R3HDM2: variants seen among roughly 807,000 people sequenced by gnomAD.
The protein encoded by R3HDM2 is R3H domain containing 2.
R3HDM2 carries 38 observed loss-of-function variants against 124.5 expected under a neutral mutation model. That is an observed-to-expected ratio of 0.31 (90% CI 0.24 to 0.40). R3HDM2 has a LOEUF of 0.40. Among genes scored for constraint, R3HDM2 ranks in the 10% least tolerant of loss-of-function variants. R3HDM2 has a pLI of 1.00. For synonymous variants in R3HDM2, 391 were observed against 448.0 expected (o/e 0.87, Z 1.61); for missense variants, 869 against 1,236.9 (o/e 0.70, Z 4.46).
At chr12:57,259,459 G>T (rs1220401310) in intron 19 of R3HDM2, among the ~76,000 whole-genome samples, 3 of 152,242 alleles carry the variant, frequency 2.0e-5, no homozygotes, top group Non-Finnish European at 2.9e-5. Flanking sequence ...GGCTTTTCTG[G>T]TAATGGCTAT....
intron 12 of R3HDM2, among the ~76,000 whole-genome samples, chr12:57,287,189 G>C (rs1229993490): frequency 5.9e-5 from 9 of 152,184 alleles, no homozygotes; most frequent in African/African-American, 2.2e-4. Context: ...TTTCTTACAT[G>C]TAATCCAGCT....
rs1237205963 is a variant in R3HDM2, at chr12:57,378,895, C to T, written c.-36+16854G>A. ...TACATGCAACAGAATAATATTCAGC[C>T]TTAAAAAGGAAATTCTGACATATGC... On this transcript the variant is annotated intron_variant, in intron 2 of 23. Coordinates refer to ENST00000402412, the MANE Select transcript of R3HDM2 (RefSeq NM_001394031.1). Among the ~76,000 whole-genome samples the T allele has an allele frequency of 2.6e-5, 4 of 152,240 alleles. No individual in the cohort carries two copies. The East Asian group carries it at 7.7e-4, about 29-fold the overall frequency.
chr12:57,356,390 C>T (rs2061297397), intron 2 of R3HDM2, among the ~76,000 whole-genome samples: 1 of 152,072 alleles, frequency 6.6e-6, no homozygotes, highest in African/African-American at 2.4e-5. Flanking sequence ...TAGAGAATTA[C>T]ATTGGTTGAA....
chr12:57,273,961 T>A (rs571830195), intron 14 of R3HDM2, among the ~76,000 whole-genome samples: 6 of 152,162 alleles, frequency 3.9e-5, no homozygotes, highest in African/African-American at 1.2e-4. Context: ...CCTGGAAGAG[T>A]TGCTGCTGTA....
chr12:57,412,948 G>A (rs975603098), intron 1 of R3HDM2, among the ~76,000 whole-genome samples: 3 of 151,990 alleles, frequency 2.0e-5, no homozygotes, highest in Non-Finnish European at 4.4e-5. Flanking sequence ...TCAGGAGATC[G>A]AGACCATCCT....
intron 1 of R3HDM2, among the ~76,000 whole-genome samples, chr12:57,406,591 A>G (rs1029321474): frequency 1.3e-5 from 2 of 152,222 alleles, no homozygotes; most frequent in Non-Finnish European, 2.9e-5. Flanking sequence ...AAAAAAATTA[A>G]GAAATGATAG....
intron 19 of R3HDM2, among the ~76,000 whole-genome samples, chr12:57,261,674 G>A (rs1592369765): frequency 7.0e-6 from 1 of 143,130 alleles, no homozygotes; most frequent in African/African-American, 2.6e-5. Context: ...CTGATGAGCT[G>A]ATTTTTATGC....
At chr12:57,426,026 G>A (rs563506160) in intron 1 of R3HDM2, among the ~76,000 whole-genome samples, 10 of 152,142 alleles carry the variant, frequency 6.6e-5, no homozygotes, top group Admixed American at 1.3e-4. Context: ...TTAGGAGTTC[G>A]AGAGTGGCCT....
intron 1 of R3HDM2, chr12:57,418,243 T>G: frequency 1.0e-6 from 1 of 985,386 alleles, no homozygotes; most frequent in Non-Finnish European, 1.2e-6. Flanking sequence ...AATCTCCAAA[T>G]TCTGGAACCA....
At chr12:57,386,298 G>A (rs951896884) in intron 2 of R3HDM2, among the ~76,000 whole-genome samples, 1 of 152,210 alleles carries the variant, frequency 6.6e-6, no homozygotes, top group African/African-American at 2.4e-5. Context: ...CTCAGCTTGC[G>A]GGGAGGTGTG....
At position 57,395,821 on chromosome 12, in the gene R3HDM2, G is replaced by T. The variant is rs1048722667; in HGVS notation, c.-105-3C>A. The T allele has an allele frequency of 3.0e-6, 3 of 983,756 alleles. No individual in the cohort carries two copies. Among genetic ancestry groups the T allele is most frequent in the African/African-American group, 3.5e-5 (2 of 57,042 alleles). 60.9% of individuals were successfully genotyped at this position (983,756 alleles called of 1,614,324 possible). A position where few individuals can be genotyped will look rare whatever the true frequency, so the allele number is the denominator to read the frequency against. On this transcript the variant is annotated splice_polypyrimidine_tract_variant and splice_region_variant and intron_variant, in intron 1 of 23. Coordinates refer to ENST00000402412, the MANE Select transcript of R3HDM2 (RefSeq NM_001394031.1). ...CATATAAGAAACAAGTCTAACCTCT[G>T]GGGGAGGAGGGGGAAAAAAAAAAAC... is the stretch of plus-strand genomic sequence containing the variant.
intron 10 of R3HDM2, among the ~76,000 whole-genome samples, chr12:57,292,903 C>T (rs751691178): frequency 5.6e-4 from 85 of 151,726 alleles, no homozygotes; most frequent in Non-Finnish European, 5.0e-4. Flanking sequence ...CCTCCCACCC[C>T]CGCAGTATCA....
intron 1 of R3HDM2, among the ~76,000 whole-genome samples, chr12:57,403,325 C>A (rs1356891244): frequency 6.6e-6 from 1 of 151,934 alleles, no homozygotes. Context: ...AATCCCGTAT[C>A]TACTAAAAAT....
chr12:57,418,409 C>T, intron 1 of R3HDM2: 1 of 888,130 alleles, frequency 1.1e-6, no homozygotes, highest in Non-Finnish European at 1.3e-6. Context: ...GCGCAGGCTG[C>T]CGTTGGTCTT....
intron 1 of R3HDM2, among the ~76,000 whole-genome samples, chr12:57,426,058 T>C (rs1371746536): frequency 2.0e-5 from 3 of 152,042 alleles, no homozygotes. Context: ...CAGAACCCTG[T>C]ATCTACTAAA....
At chr12:57,291,202 A>G (rs538679639) in intron 11 of R3HDM2, among the ~76,000 whole-genome samples, 3 of 149,976 alleles carry the variant, frequency 2.0e-5, no homozygotes, top group African/African-American at 4.8e-5. Flanking sequence ...TGGCGCAAGT[A>G]CATACAGTTG....
intron 1 of R3HDM2, among the ~76,000 whole-genome samples, chr12:57,399,687 C>A (rs2067874228): frequency 6.6e-6 from 1 of 152,166 alleles, no homozygotes. Context: ...AAGATCCTAA[C>A]AACTGGTAAC....
chr12:57,277,935 A>AAAAG (rs936082569), intron 14 of R3HDM2, among the ~76,000 whole-genome samples: 2 of 152,164 alleles, frequency 1.3e-5, no homozygotes, highest in Non-Finnish European at 2.9e-5. Context: ...AAAAGAAAGC[A>AAAAG]AAAGAAAGAA....
At chr12:57,290,437 A>T (rs2048345633) in intron 11 of R3HDM2, among the ~76,000 whole-genome samples, 1 of 152,230 alleles carries the variant, frequency 6.6e-6, no homozygotes, top group Admixed American at 6.5e-5. Context: ...GCTAACTAGC[A>T]GTGTGAACTT....
Sources: allele counts gnomAD v4.1 joint callset (sites outside exome capture counted in the v4.1 genomes callset), GRCh38; gene constraint gnomAD v4.1.1; transcripts MANE v1.5; gene names NCBI Gene and HGNC (gene_info 2026-07-23, HGNC 2026-07-21).